NOTCH2: variants seen among roughly 807,000 people sequenced by gnomAD.
NOTCH2 encodes neurogenic locus notch homolog protein 2.
A neutral mutation model predicts 235.8 loss-of-function variants in NOTCH2; 29 were observed. The observed-to-expected ratio is 0.12, with a 90% confidence interval of 0.09 to 0.17. The LOEUF (loss-of-function observed/expected upper bound fraction) is 0.17. Among genes scored for constraint, NOTCH2 ranks in the 10% least tolerant of loss-of-function variants. NOTCH2 has a pLI of 1.00. For synonymous variants in NOTCH2, 1,086 were observed against 1,141.5 expected, an observed-to-expected ratio of 0.95 and a Z score of 0.98; for missense variants, 2,285 against 3,150.2, an observed-to-expected ratio of 0.73 and a Z score of 6.57.
intron 11 of NOTCH2, among the ~76,000 whole-genome samples, chr1:119,962,950 A>T (rs1172275758): frequency 6.6e-6 from 1 of 152,204 alleles, no homozygotes; most frequent in Non-Finnish European, 1.5e-5. Context: ...GGAGTCATTC[A>T]ACCAAGGTCA....
chr1:119,920,125 A>C, intron 30 of NOTCH2, 104 bp downstream of exon 30: 1 of 1,277,544 alleles, frequency 7.8e-7, no homozygotes, highest in Admixed American at 1.9e-5. Context: ...GAGTCTGTGA[A>C]ATTGGGAAGG....
intron 14 of NOTCH2, among the ~76,000 whole-genome samples, chr1:119,951,111 T>C (rs1650453271): frequency 6.6e-6 from 1 of 152,208 alleles, no homozygotes; most frequent in African/African-American, 2.4e-5. Context: ...TTCTCAATAA[T>C]GAAGTTCTTG....
At chr1:119,965,744 T>C (rs1215228998) in intron 9 of NOTCH2, among the ~76,000 whole-genome samples, 178 bp from the exon 10 acceptor site, 4 of 152,216 alleles carry the variant, frequency 2.6e-5, no homozygotes, top group African/African-American at 7.2e-5. Context: ...TCAGAGGCAC[T>C]TGTGGTGTGT....
chr1:119,979,984 G>T (rs1012833361), intron 5 of NOTCH2, among the ~76,000 whole-genome samples: 1 of 152,050 alleles, frequency 6.6e-6, no homozygotes, highest in Non-Finnish European at 1.5e-5. Context: ...ATGGTCTGTC[G>T]TTCTCGTGGA....
chr1:119,967,934 A>C (rs587639407), intron 7 of NOTCH2, 143 bp downstream of exon 7: 3 of 892,250 alleles, frequency 3.4e-6, no homozygotes, highest in Non-Finnish European at 3.6e-6. Flanking sequence ...CTGAAAGGTC[A>C]CTTGTAAACA....
At chr1:119,940,807 A>C in intron 18 of NOTCH2, 51 bp from the exon 19 acceptor site, 2 of 1,487,948 alleles carry the variant, frequency 1.3e-6, no homozygotes, top group Non-Finnish European at 1.9e-6. Context: ...CCTGTGACTT[A>C]CTACTACAAA....
intron 1 of NOTCH2, among the ~76,000 whole-genome samples, chr1:120,065,865 G>A (rs1365271840): frequency 1.3e-5 from 2 of 152,134 alleles, no homozygotes; most frequent in Admixed American, 6.6e-5. Flanking sequence ...AAGGAAGCAT[G>A]TAACTATGGA....
Position 119,929,092 on chromosome 1 carries a change from T to C in NOTCH2, c.3776A>G (p.Glu1259Gly), listed in dbSNP as rs1426282085. 2 of 1,613,932 alleles carry C rather than the reference T, an allele frequency of 1.2e-6. No homozygotes were observed. The highest frequency in any genetic ancestry group is 2.7e-5 in the African/African-American group (2 of 74,850). ...SCRCLPGFAG[E>G]RCEGDINECL... The stretch of plus-strand genomic sequence containing the variant: ...CTCGTTGATGTCTCCCTCACAACGC[T>C]CCCCAGCAAAGCCAGGCAAGCAGCG... Residue 1259 changes from glutamate (E) to glycine (G), a missense_variant, in exon 23 of 34, where the codon GAG (glutamate) becomes GGG (glycine). Physicochemically the swap from Glu to Gly is moderately conservative, Grantham distance 98. Around this residue, in one of 6 missense-constraint regions of NOTCH2, gnomAD observed 1,173 missense variants for 1,515.3 expected, o/e 0.77. Transcript: ENST00000256646.
chr1:119,919,266 G>A (rs587629516), intron 31 of NOTCH2, 46 bp downstream of exon 31: 1 of 1,527,104 alleles, frequency 6.5e-7, no homozygotes, highest in East Asian at 2.2e-5. Context: ...AAACATTATA[G>A]AGCCATAGGA....
rs587650154 is a variant in NOTCH2 at position 120,025,422 on chromosome 1, C to G, written c.155+4484G>C. Reference sequence around the variant, plus strand: ...AAGGGTCACATCTTGGGAATAAGAACCCTATCCCATGACTAAGATTTGTGT... The same window carrying G: ...AAGGGTCACATCTTGGGAATAAGAAGCCTATCCCATGACTAAGATTTGTGT... On this transcript the variant is annotated intron_variant, in intron 2 of 33. Transcript: ENST00000256646. Among the ~76,000 whole-genome samples the G allele has an allele frequency of 2.0e-5, 3 of 152,164 alleles. No individual in the cohort carries two copies. The East Asian group carries it at 5.8e-4, about 29-fold the overall frequency.
chr1:120,048,267 A>G (rs1453494785), intron 1 of NOTCH2, among the ~76,000 whole-genome samples: 7 of 139,334 alleles, frequency 5.0e-5, no homozygotes, highest in African/African-American at 1.8e-4. Flanking sequence ...TCAAGAAACA[A>G]TGCTTGTCCA....
At chr1:120,003,373 A>AAT (rs1400878322) in intron 3 of NOTCH2, among the ~76,000 whole-genome samples, 22 of 150,420 alleles carry the variant, frequency 1.5e-4, no homozygotes, top group Non-Finnish European at 2.5e-4. Context: ...AAAGATTGCC[A>AAT]ATATATATAT....
intron 31 of NOTCH2, 66 bp from the exon 32 acceptor site, chr1:119,918,619 A>C: frequency 6.5e-7 from 1 of 1,543,996 alleles, no homozygotes; most frequent in Non-Finnish European, 8.9e-7. Flanking sequence ...AACTCAGTGA[A>C]GAAACAAGGG....
Position 119,919,566 on chromosome 1 carries a change from C to G in NOTCH2, c.5527G>C (p.Asp1843His), listed in dbSNP as rs2101150118. 1 of 1,614,184 alleles carries G rather than the reference C, an allele frequency of 6.2e-7. No individual in the cohort carries two copies. Among genetic ancestry groups the G allele is most frequent in the Non-Finnish European group, 8.5e-7 (1 of 1,180,038 alleles). The change falls in exon 31 of 34, where the codon GAT becomes CAT. Residue 1843 changes from aspartate (D) to histidine (H), a missense_variant. Physicochemically the swap from Asp to His is moderately conservative, Grantham distance 81. Transcript: ENST00000256646. ...GCATCTTCATCTTCATCACTCAAAT[C>G]TGAGCTGCCTCCTCGGAGAGAAGCC... is the stretch of plus-strand genomic sequence containing the variant. ...MLASLRGGSS[D>H]LSDEDEDAED...
At chr1:120,009,067 T>C (rs1653087194) in intron 2 of NOTCH2, among the ~76,000 whole-genome samples, 2 of 152,076 alleles carry the variant, frequency 1.3e-5, no homozygotes, top group South Asian at 2.1e-4. Flanking sequence ...AGAGTAATCA[T>C]GCAGGTATCT....
intron 15 of NOTCH2, among the ~76,000 whole-genome samples, 172 bp from the exon 16 acceptor site, chr1:119,949,298 C>A (rs1650372609): frequency 6.6e-6 from 1 of 151,738 alleles, no homozygotes; most frequent in African/African-American, 2.4e-5. Context: ...AACTGTGTAA[C>A]CTTGGGCAAG....
At position 119,967,617 on chromosome 1, in the gene NOTCH2, A is replaced by G. The variant is rs1651192791; in HGVS notation, c.1269T>C (p.Asn423=). Residue 423 remains asparagine (N), a synonymous_variant, in exon 8 of 34, where the codon AAT becomes AAC. Transcript: ENST00000256646. ...TEDVDECAMA[N]SNPCEHAGKC... ...TTCCTGCATGCTCACAAGGATTGCT[A>G]TTGGCTGAAAGACACAAGTACCAAT... is the stretch of plus-strand genomic sequence containing the variant. 4 of 1,614,022 alleles carry G rather than the reference A, an allele frequency of 2.5e-6. No individual in the cohort carries two copies. Among genetic ancestry groups the G allele is most frequent in the Non-Finnish European group, 3.4e-6 (4 of 1,179,892 alleles).
At chr1:119,970,172 C>T (rs967563751) in intron 5 of NOTCH2, among the ~76,000 whole-genome samples, 5 of 152,094 alleles carry the variant, frequency 3.3e-5, no homozygotes, top group Admixed American at 1.3e-4. Flanking sequence ...ACTGTATCAA[C>T]GTCAATACAC....
At position 119,915,520 on chromosome 1, in the gene NOTCH2, G is replaced by A. The variant is rs1373890209; in HGVS notation, c.7202C>T (p.Thr2401Ile). ...SYASSNAAER[T>I]PSHSGHLQGE... ...CTGGAGGTGACCACTGTGACTGGGT[G>A]TTCGCTCAGCAGCATTTGAGGAAGC... Residue 2401 changes from threonine to isoleucine, a missense_variant, in exon 34 of 34, where the codon ACA (threonine) becomes ATA (isoleucine). Transcript: ENST00000256646. The A allele has an allele frequency of 6.2e-7, 1 of 1,614,110 alleles. No individual in the cohort carries two copies. Among genetic ancestry groups the A allele is most frequent in the South Asian group, 1.1e-5 (1 of 91,084 alleles).
Sources: gnomAD v4.1 joint callset for allele counts (sites outside exome capture counted in the v4.1 genomes callset) on GRCh38, gnomAD v4.1.1 for gene constraint, gnomAD v4.1.1 regional missense constraint, MANE v1.5 for transcripts, NCBI Gene and HGNC (gene_info 2026-07-23, HGNC 2026-07-21) for gene names.